DMRT1: variants seen among roughly 807,000 people sequenced by gnomAD.
DMRT1 encodes the protein doublesex and mab-3 related transcription factor 1, also known as doublesex- and mab-3-related transcription factor 1.
Under a neutral mutation model 32.3 loss-of-function variants are expected in DMRT1, and 7 were observed. The observed-to-expected ratio is 0.22, with a 90% CI of 0.12 to 0.41. The LOEUF (loss-of-function observed/expected upper bound fraction) is 0.41. Ranked by LOEUF, DMRT1 falls within the 10% of genes least tolerant of loss-of-function variation. The probability of loss-of-function intolerance (pLI) is 1.00; values close to 1 mark genes in which losing one functional copy is unlikely to be tolerated. For missense variants in DMRT1, 625 were observed against 500.5 expected, an observed-to-expected ratio of 1.25 and a Z score of -2.37; for synonymous variants, 278 against 206.1, an observed-to-expected ratio of 1.35 and a Z score of -2.99.
At chr9:957,541 C>G (rs551105044) in intron 4 of DMRT1, among the ~76,000 whole-genome samples, 16 of 152,290 alleles carry the variant, frequency 1.1e-4, no homozygotes, top group African/African-American at 3.1e-4. Context: ...CTGAACTTAC[C>G]TTATCATCCA....
chr9:867,379 A>G (rs745387811), intron 2 of DMRT1, among the ~76,000 whole-genome samples: 2 of 152,190 alleles, frequency 1.3e-5, no homozygotes, highest in Non-Finnish European at 2.9e-5. Context: ...GCAGTGCTTT[A>G]TTCTGTGCCT....
chr9:959,443 CTA>C (rs1409923385), intron 4 of DMRT1, among the ~76,000 whole-genome samples: 1 of 152,228 alleles, frequency 6.6e-6, no homozygotes, highest in Non-Finnish European at 1.5e-5. Context: ...CATAGAGTCA[CTA>C]TGTAGTCACT....
chr9:896,497 C>G (rs1817369277), intron 3 of DMRT1, among the ~76,000 whole-genome samples: 1 of 151,932 alleles, frequency 6.6e-6, no homozygotes, highest in South Asian at 2.1e-4. Context: ...CCACTGTTCT[C>G]TGATTCTGTG....
intron 2 of DMRT1, among the ~76,000 whole-genome samples, chr9:868,752 A>G (rs182445504): frequency 3.3e-5 from 5 of 152,360 alleles, no homozygotes; most frequent in Non-Finnish European, 5.9e-5. Flanking sequence ...GCTCATGCCT[A>G]TAATCCCAGC....
chr9:876,788 C>G (rs1816519326), intron 2 of DMRT1, among the ~76,000 whole-genome samples: 1 of 152,176 alleles, frequency 6.6e-6, no homozygotes, highest in Non-Finnish European at 1.5e-5. Flanking sequence ...GCCTTGGCCT[C>G]TTGAAGTGCT....
At chr9:964,296 T>TC (rs1429877740) in intron 4 of DMRT1, among the ~76,000 whole-genome samples, 3 of 152,192 alleles carry the variant, frequency 2.0e-5, no homozygotes, top group African/African-American at 7.2e-5. Flanking sequence ...AAGTGTTTTT[T>TC]CCCCTCATTG....
Position 841,836 on chromosome 9 carries a change from A to G in DMRT1, c.-3A>G. 1 of 1,609,582 alleles carries G rather than the reference A, an allele frequency of 6.2e-7. No individual in the cohort carries two copies. The highest frequency in any genetic ancestry group is 8.5e-7 in the Non-Finnish European group (1 of 1,178,384). On this transcript the variant is annotated 5_prime_UTR_variant, in exon 1 of 5. Transcript: ENST00000382276. ...GAGTGCTCGCACTTCTCCTAGGGGC[A>G]CCATGCCCAACGACGAGGCATTCAG...
intron 3 of DMRT1, among the ~76,000 whole-genome samples, chr9:913,959 G>C (rs1818081032): frequency 1.3e-5 from 2 of 152,072 alleles, no homozygotes; most frequent in African/African-American, 4.8e-5. Context: ...TGAGAGGAAG[G>C]ATCACGTATT....
chr9:890,798 T>G (rs1288780833), intron 2 of DMRT1, among the ~76,000 whole-genome samples: 1 of 152,210 alleles, frequency 6.6e-6, no homozygotes, highest in African/African-American at 2.4e-5. Context: ...CACTGCAACC[T>G]CGGCCTCCCA....
At chr9:867,331 C>T (rs549030240) in intron 2 of DMRT1, among the ~76,000 whole-genome samples, 1 of 152,192 alleles carries the variant, frequency 6.6e-6, no homozygotes, top group South Asian at 2.1e-4. Flanking sequence ...CTATGAATCA[C>T]GTTTTCCTAA....
intron 4 of DMRT1, among the ~76,000 whole-genome samples, chr9:919,361 G>A (rs1049693000): frequency 1.4e-5 from 2 of 144,808 alleles, no homozygotes; most frequent in African/African-American, 5.1e-5. Context: ...CCCAAGTTCA[G>A]TGTCTTCCTC....
intron 4 of DMRT1, among the ~76,000 whole-genome samples, chr9:950,427 A>C (rs995148774): frequency 6.6e-6 from 1 of 151,972 alleles, no homozygotes; most frequent in Non-Finnish European, 1.5e-5. Flanking sequence ...CCTGAGTACA[A>C]ATTCTGGCTC....
intron 1 of DMRT1, among the ~76,000 whole-genome samples, chr9:844,397 C>G (rs929416918): frequency 7.1e-6 from 1 of 141,802 alleles, no homozygotes; most frequent in Non-Finnish European, 1.5e-5. Context: ...TCTAAGAAAC[C>G]TTGAGAGAAG....
At chr9:893,614 G>C (rs577882714) in intron 2 of DMRT1, among the ~76,000 whole-genome samples, 1 of 152,202 alleles carries the variant, frequency 6.6e-6, no homozygotes, top group African/African-American at 2.4e-5. Flanking sequence ...TTGACATTAG[G>C]ATAGGAATTT....
At chr9:942,397 C>T (rs1370501284) in intron 4 of DMRT1, among the ~76,000 whole-genome samples, 2 of 152,182 alleles carry the variant, frequency 1.3e-5, no homozygotes, top group Non-Finnish European at 2.9e-5. Flanking sequence ...CCTCAGCCTC[C>T]TGAGTAGCTG....
At chr9:881,968 T>A (rs1278220013) in intron 2 of DMRT1, among the ~76,000 whole-genome samples, 1 of 152,250 alleles carries the variant, frequency 6.6e-6, no homozygotes, top group East Asian at 1.9e-4. Context: ...GTCTTGGCCG[T>A]GAGACAGGCT....
intron 2 of DMRT1, among the ~76,000 whole-genome samples, chr9:888,527 T>G (rs775211835): frequency 1.3e-5 from 2 of 152,144 alleles, no homozygotes; most frequent in Non-Finnish European, 2.9e-5. Flanking sequence ...CTCGAACTCC[T>G]GGGCTCAAGT....
intron 3 of DMRT1, among the ~76,000 whole-genome samples, chr9:900,884 G>A (rs181429519): frequency 6.6e-6 from 1 of 151,994 alleles, no homozygotes; most frequent in African/African-American, 2.4e-5. Context: ...TAGAGATGGG[G>A]GTCTCAGTGT....
rs1194084355 is a variant in DMRT1, at chr9:968,352, C to T, written c.*213C>T. ...CTGCATGGTTTAAGTGCTTTACTCACGGAGTTTAAATAATAGTGTTCATTT... is the reference window on the plus strand; with the variant it reads ...CTGCATGGTTTAAGTGCTTTACTCATGGAGTTTAAATAATAGTGTTCATTT... On this transcript the variant is annotated 3_prime_UTR_variant, in exon 5 of 5. Coordinates refer to ENST00000382276, the MANE Select transcript of DMRT1 (RefSeq NM_021951.3). The T allele has an allele frequency of 8.9e-6, 5 of 558,986 alleles. No homozygotes were observed. Among genetic ancestry groups the T allele is most frequent in the East Asian group, 3.2e-5 (1 of 31,544 alleles). 34.6% of individuals were successfully genotyped at this position (558,986 alleles called of 1,614,324 possible). A position where few individuals can be genotyped will look rare whatever the true frequency, so the allele number is the denominator to read the frequency against.
Sources: gnomAD v4.1 joint callset for allele counts (sites outside exome capture counted in the v4.1 genomes callset) on GRCh38, gnomAD v4.1.1 for gene constraint, MANE v1.5 for transcripts, NCBI Gene and HGNC (gene_info 2026-07-23, HGNC 2026-07-21) for gene names.